PLCB1: variants seen among roughly 807,000 people sequenced by gnomAD.
PLCB1 encodes 1-phosphatidylinositol 4,5-bisphosphate phosphodiesterase beta-1.
PLCB1 carries 46 observed loss-of-function variants against 161.8 expected under a neutral mutation model. The ratio of observed to expected loss-of-function variants is 0.28; its 90% CI spans 0.22 to 0.36. PLCB1 has a LOEUF of 0.36. Ranked by LOEUF, PLCB1 falls within the 10% of genes least tolerant of loss-of-function variation. The pLI, the probability that PLCB1 is intolerant of heterozygous loss-of-function variation, is 1.00. For missense variants in PLCB1, 1,016 were observed against 1,472.5 expected (o/e 0.69, Z 5.07); for synonymous variants, 517 against 503.7 (o/e 1.03, Z -0.35).
rs1982679927 is a variant in PLCB1 at position 8,771,614 on chromosome 20, G to GT, written c.2931-2920dup. ...CAGAGGGGATAATGCCTTCAACTTT[G>GT]TTTTTATAGAAGATGCAGAGACGTT... is the stretch of plus-strand genomic sequence containing the variant. On this transcript the variant is annotated intron_variant, in intron 26 of 31. Transcript: ENST00000338037. Among the ~76,000 whole-genome samples the GT allele has an allele frequency of 3.3e-5, 5 of 152,094 alleles. No individual in the cohort carries two copies. The South Asian group carries it at 1.0e-3, about 32-fold the overall frequency.
intron 2 of PLCB1, among the ~76,000 whole-genome samples, chr20:8,335,463 C>T (rs1461059435): frequency 6.6e-6 from 1 of 152,098 alleles, no homozygotes; most frequent in Non-Finnish European, 1.5e-5. Flanking sequence ...AAGTCTTGTC[C>T]TTTATTTTTA....
intron 3 of PLCB1, among the ~76,000 whole-genome samples, chr20:8,456,058 A>G (rs965638580): frequency 1.3e-5 from 2 of 152,220 alleles, no homozygotes; most frequent in African/African-American, 4.8e-5. Flanking sequence ...GATACAGAGA[A>G]AATCAAAGAT....
intron 3 of PLCB1, among the ~76,000 whole-genome samples, chr20:8,491,927 TTTTG>T (rs1982963230): frequency 6.6e-6 from 1 of 151,702 alleles, no homozygotes; most frequent in Admixed American, 6.6e-5. Flanking sequence ...TTTGGCTGTT[TTTTG>T]TTTGTTCTTT....
chr20:8,140,831 T>G (rs1259264954), intron 1 of PLCB1, among the ~76,000 whole-genome samples: 1 of 152,016 alleles, frequency 6.6e-6, no homozygotes, highest in East Asian at 1.9e-4. Flanking sequence ...GGAGTTTTGC[T>G]CTTTTTGCCC....
intron 6 of PLCB1, among the ~76,000 whole-genome samples, chr20:8,648,717 A>G (rs1443945491): frequency 6.6e-6 from 1 of 152,202 alleles, no homozygotes; most frequent in East Asian, 1.9e-4. Flanking sequence ...AGGCAGAAGG[A>G]TTGCTTAAGG....
At chr20:8,284,402 T>G (rs1019168856) in intron 2 of PLCB1, among the ~76,000 whole-genome samples, 3 of 152,152 alleles carry the variant, frequency 2.0e-5, no homozygotes, top group Admixed American at 1.3e-4. Context: ...CCTTCTGGTA[T>G]GTGACATAAC....
At chr20:8,671,907 C>T (rs1269455292) in intron 9 of PLCB1, among the ~76,000 whole-genome samples, 1 of 152,206 alleles carries the variant, frequency 6.6e-6, no homozygotes, top group Non-Finnish European at 1.5e-5. Context: ...ATCTCTAAGC[C>T]TCCGTGTACT....
At chr20:8,794,268 G>A (rs955239684) in intron 31 of PLCB1, among the ~76,000 whole-genome samples, 13 of 152,340 alleles carry the variant, frequency 8.5e-5, no homozygotes, top group African/African-American at 2.9e-4. Context: ...AATCACAAGG[G>A]TATTGATTGG....
intron 3 of PLCB1, among the ~76,000 whole-genome samples, chr20:8,553,561 CA>C (rs1393051542): frequency 6.6e-6 from 1 of 152,134 alleles, no homozygotes; most frequent in East Asian, 1.9e-4. Context: ...TACACATACA[CA>C]GTGAAAGTTA....
At chr20:8,166,411 CTCCTACCTCT>C (rs942803829) in intron 2 of PLCB1, among the ~76,000 whole-genome samples, 1 of 152,052 alleles carries the variant, frequency 6.6e-6, no homozygotes, top group Non-Finnish European at 1.5e-5. Flanking sequence ...CTTTCTTTTT[CTCCTACCTCT>C]TCCTACCTCT....
chr20:8,560,362 G>T (rs971204464), intron 3 of PLCB1, among the ~76,000 whole-genome samples: 8 of 151,794 alleles, frequency 5.3e-5, no homozygotes, highest in African/African-American at 1.9e-4. Context: ...CTGGTCATCT[G>T]GATTTTTTTT....
At chr20:8,304,904 C>G (rs1468170011) in intron 2 of PLCB1, among the ~76,000 whole-genome samples, 2 of 152,164 alleles carry the variant, frequency 1.3e-5, no homozygotes, top group Non-Finnish European at 2.9e-5. Context: ...TATAAAGTTT[C>G]TCATGTCCTC....
intron 3 of PLCB1, among the ~76,000 whole-genome samples, chr20:8,604,159 A>G (rs1213106461): frequency 6.7e-6 from 1 of 149,066 alleles, no homozygotes; most frequent in Non-Finnish European, 1.5e-5. Context: ...TGGCTGAGGC[A>G]TGAGAATCCC....
In PLCB1 at chr20:8,881,747, T is replaced by A. The variant is rs780459225; in HGVS notation, c.3549T>A (p.Pro1183=). The A allele has an allele frequency of 1.2e-6, 2 of 1,613,892 alleles. No individual in the cohort carries two copies. The highest frequency in any genetic ancestry group is 1.7e-6 in the Non-Finnish European group (2 of 1,179,884). ...AAGACAGCAATCACGGTTCTGCCCC[T>A]CTCTCCCTGTCCTCAGACCCTGGAA... ...ISEDSNHGSA[P]LSLSSDPGKV... The change falls in exon 32 of 32, where the codon CCT becomes CCA. Residue 1183 remains proline (P), a synonymous_variant. Coordinates refer to ENST00000338037, the MANE Select transcript of PLCB1 (RefSeq NM_015192.4).
intron 2 of PLCB1, among the ~76,000 whole-genome samples, chr20:8,269,909 C>A (rs1443164886): frequency 6.6e-6 from 1 of 150,582 alleles, no homozygotes; most frequent in Non-Finnish European, 1.5e-5. Flanking sequence ...AAAAAAAAAG[C>A]CTGGCTAACC....
At chr20:8,229,583 G>T (rs1024951353) in intron 2 of PLCB1, among the ~76,000 whole-genome samples, 1 of 152,162 alleles carries the variant, frequency 6.6e-6, no homozygotes, top group African/African-American at 2.4e-5. Flanking sequence ...TGTATGGCTA[G>T]TGATAACTAT....
intron 2 of PLCB1, among the ~76,000 whole-genome samples, chr20:8,255,704 T>C (rs1275445114): frequency 6.6e-6 from 1 of 152,030 alleles, no homozygotes; most frequent in African/African-American, 2.4e-5. Context: ...ATTAAGCTTA[T>C]ATAATTATAC....
chr20:8,136,517 T>G (rs2051350068), intron 1 of PLCB1, among the ~76,000 whole-genome samples: 3 of 151,438 alleles, frequency 2.0e-5, no homozygotes, highest in African/African-American at 4.9e-5. Flanking sequence ...TCCCAGCTGC[T>G]CGGGAGGCTG....
intron 3 of PLCB1, among the ~76,000 whole-genome samples, chr20:8,390,438 G>C (rs753908702): frequency 2.0e-5 from 3 of 152,012 alleles, no homozygotes; most frequent in Non-Finnish European, 4.4e-5. Flanking sequence ...AATTACTGGG[G>C]GTTAATACTT....
Sources: gnomAD v4.1 joint callset for allele counts (sites outside exome capture counted in the v4.1 genomes callset) on GRCh38, gnomAD v4.1.1 for gene constraint, MANE v1.5 for transcripts, NCBI Gene and HGNC (gene_info 2026-07-23, HGNC 2026-07-21) for gene names.